Variants in KCNH7 observed in about 807,000 individuals in gnomAD.
The protein encoded by KCNH7 is voltage-gated inwardly rectifying potassium channel KCNH7.
A neutral mutation model predicts 120.8 loss-of-function variants in KCNH7; 49 were observed. The observed-to-expected ratio is 0.41, with a 90% CI of 0.32 to 0.51. The LOEUF (loss-of-function observed/expected upper bound fraction) is 0.51. KCNH7 is among the 20% of genes least tolerant of loss of function. The pLI is 0.38. For missense variants in KCNH7, 1,097 were observed against 1,446.6 expected (o/e 0.76, Z 3.92); for synonymous variants, 547 against 516.1 (o/e 1.06, Z -0.81).
chr2:162,668,528 C>T (rs1260247769), intron 2 of KCNH7, among the ~76,000 whole-genome samples: 1 of 152,098 alleles, frequency 6.6e-6, no homozygotes, highest in Admixed American at 6.6e-5. Context: ...TGTAAAATGC[C>T]AAATACAGAA....
At chr2:162,678,568 A>C (rs1199088471) in intron 2 of KCNH7, among the ~76,000 whole-genome samples, 2 of 151,526 alleles carry the variant, frequency 1.3e-5, no homozygotes, top group Admixed American at 1.3e-4. Flanking sequence ...CACCCTAAGA[A>C]TTATGGCTTC....
intron 2 of KCNH7, among the ~76,000 whole-genome samples, chr2:162,706,706 C>T (rs563013673): frequency 6.6e-6 from 1 of 152,080 alleles, no homozygotes; most frequent in South Asian, 2.1e-4. Context: ...CTCTAATTGC[C>T]TTCACCCACA....
At chr2:162,672,472 T>G (rs912724497) in intron 2 of KCNH7, among the ~76,000 whole-genome samples, 1 of 151,848 alleles carries the variant, frequency 6.6e-6, no homozygotes, top group South Asian at 2.1e-4. Flanking sequence ...ATAACAAAAA[T>G]AGTTAAAACC....
chr2:162,684,460 G>A (rs1685816721), intron 2 of KCNH7, among the ~76,000 whole-genome samples: 3 of 151,910 alleles, frequency 2.0e-5, no homozygotes, highest in Non-Finnish European at 2.9e-5. Flanking sequence ...TCTGACAAAG[G>A]GCTAATATCC....
chr2:162,786,731 T>A (rs1361299434), intron 2 of KCNH7, among the ~76,000 whole-genome samples: 1 of 152,186 alleles, frequency 6.6e-6, no homozygotes, highest in Non-Finnish European at 1.5e-5. Flanking sequence ...GGTATCCAGA[T>A]GTTCAGTATT....
chr2:162,633,782 T>C (rs1574198362), intron 2 of KCNH7, among the ~76,000 whole-genome samples: 1 of 152,068 alleles, frequency 6.6e-6, no homozygotes, highest in Admixed American at 6.6e-5. Flanking sequence ...TTCAGCTTTG[T>C]AATTTGCTTT....
At chr2:162,381,008 G>A (rs958291927) in intron 13 of KCNH7, among the ~76,000 whole-genome samples, 2 of 151,924 alleles carry the variant, frequency 1.3e-5, no homozygotes, top group Non-Finnish European at 2.9e-5. Flanking sequence ...TGTTTTTGCT[G>A]CTCTCTTAAC....
chr2:162,523,238 G>A (rs1691592115), intron 3 of KCNH7, among the ~76,000 whole-genome samples: 1 of 151,610 alleles, frequency 6.6e-6, no homozygotes, highest in South Asian at 2.1e-4. Flanking sequence ...ATAGATAAAT[G>A]CATACACACA....
At chr2:162,493,605 C>T (rs532667474) in intron 6 of KCNH7, among the ~76,000 whole-genome samples, 1 of 152,240 alleles carries the variant, frequency 6.6e-6, no homozygotes, top group South Asian at 2.1e-4. Context: ...TGGAATTAAC[C>T]ACGTCACTAA....
At chr2:162,515,690 C>A (rs531827175) in intron 4 of KCNH7, among the ~76,000 whole-genome samples, 34 of 151,838 alleles carry the variant, frequency 2.2e-4, no homozygotes, top group African/African-American at 7.7e-4. Flanking sequence ...CAAATTCTAG[C>A]GGTTTCATTC....
At chr2:162,787,947 A>C (rs1438905312) in intron 2 of KCNH7, among the ~76,000 whole-genome samples, 1 of 152,216 alleles carries the variant, frequency 6.6e-6, no homozygotes, top group East Asian at 1.9e-4. Flanking sequence ...ACTTCAGCCT[A>C]TCTACCTAGA....
chr2:162,406,579 T>C (rs1687231434), intron 9 of KCNH7, among the ~76,000 whole-genome samples: 1 of 151,944 alleles, frequency 6.6e-6, no homozygotes, highest in African/African-American at 2.4e-5. Context: ...TTAGGATTAA[T>C]TAAAACACAA....
At chr2:162,533,102 G>C (rs1199689170) in intron 3 of KCNH7, among the ~76,000 whole-genome samples, 1 of 151,748 alleles carries the variant, frequency 6.6e-6, no homozygotes, top group Non-Finnish European at 1.5e-5. Flanking sequence ...GAGGAAAAGA[G>C]GAAAGAGTTA....
At position 162,809,938 on chromosome 2, in the gene KCNH7, C is replaced by T. The variant is rs1274759725; in HGVS notation, c.307+26599G>A. 3.0e-4 allele frequency among the ~76,000 whole-genome samples: 4 copies of T among 13,372 alleles called. 2 individuals carry two copies. Among genetic ancestry groups the T allele is most frequent in the Non-Finnish European group, 6.9e-4 (4 of 5,774 alleles). The allele number at this position is 13,372 out of a possible 152,430, so 8.8% of individuals were successfully genotyped here. On this transcript the variant is annotated intron_variant, in intron 2 of 15. Coordinates refer to ENST00000332142, the MANE Select transcript of KCNH7 (RefSeq NM_033272.4). The stretch of plus-strand genomic sequence containing the variant: ...TTTTTTTTTTTTTTTTTTTTTGAGA[C>T]GGAGTCTCGCTCTGTCGCCCAGGCT...
intron 2 of KCNH7, among the ~76,000 whole-genome samples, chr2:162,753,028 G>T (rs113000078): frequency 0.015 from 1,986 of 133,500 alleles, 50 homozygotes; most frequent in African/African-American, 0.056. Context: ...GAAAAGAAAA[G>T]AAACCCTGAC....
At chr2:162,718,314 G>A (rs934461394) in intron 2 of KCNH7, among the ~76,000 whole-genome samples, 10 of 151,936 alleles carry the variant, frequency 6.6e-5, no homozygotes, top group African/African-American at 2.2e-4. Context: ...CTACTGGCAG[G>A]TGGTGCACTG....
At chr2:162,518,919 G>T (rs1052915810) in intron 3 of KCNH7, among the ~76,000 whole-genome samples, 2 of 150,422 alleles carry the variant, frequency 1.3e-5, no homozygotes, top group African/African-American at 4.9e-5. Flanking sequence ...TTAAAGAGCA[G>T]ATGTTAAAAA....
At chr2:162,615,751 T>A (rs1683121335) in intron 2 of KCNH7, among the ~76,000 whole-genome samples, 1 of 152,184 alleles carries the variant, frequency 6.6e-6, no homozygotes. Flanking sequence ...GTTGTTTCAC[T>A]CTATTTTTTT....
chr2:162,442,192 A>AT (rs1455398340), intron 7 of KCNH7, among the ~76,000 whole-genome samples: 3 of 150,298 alleles, frequency 2.0e-5, no homozygotes, highest in African/African-American at 2.4e-5. Context: ...CGCCCAGCTA[A>AT]TTTTTTTGTA....
Sources: allele counts gnomAD v4.1 joint callset (sites outside exome capture counted in the v4.1 genomes callset), GRCh38; gene constraint gnomAD v4.1.1; transcripts MANE v1.5; gene names NCBI Gene and HGNC (gene_info 2026-07-23, HGNC 2026-07-21).